TUBGCP5: variants seen among roughly 807,000 people sequenced by gnomAD.
TUBGCP5 encodes tubulin gamma complex component 5, also known as gamma-tubulin complex component 5.
In TUBGCP5, 98 loss-of-function variants were observed where a neutral mutation model predicts 134.7. The observed-to-expected ratio is 0.73, with a 90% CI of 0.62 to 0.86. TUBGCP5 has a LOEUF of 0.86. Among genes scored for constraint, TUBGCP5 ranks in the 40% least tolerant of loss-of-function variants. TUBGCP5 has a pLI of 0.00. For missense variants in TUBGCP5, 1,150 were observed against 1,244.8 expected (o/e 0.92, Z 1.15); for synonymous variants, 456 against 431.4 (o/e 1.06, Z -0.71).
At chr15:23,010,744 C>G (rs1056955594) in intron 14 of TUBGCP5, among the ~76,000 whole-genome samples, 1 of 151,938 alleles carries the variant, frequency 6.6e-6, no homozygotes, top group African/African-American at 2.4e-5. Flanking sequence ...TTTGGGAGGC[C>G]GAGGTGGGCA....
chr15:23,027,442 T>C (rs909612497), intron 6 of TUBGCP5, 136 bp from the exon 7 acceptor site: 7 of 647,180 alleles, frequency 1.1e-5, no homozygotes, highest in African/African-American at 1.8e-5. Flanking sequence ...CATTTATGTA[T>C]ATATGATTAT....
At chr15:22,994,423 G>A (rs1289285472), downstream of TUBGCP5, among the ~76,000 whole-genome samples, 1 of 152,156 alleles carries the variant, frequency 6.6e-6, no homozygotes, top group African/African-American at 2.4e-5. Flanking sequence ...AGGGCGATGT[G>A]CAGCACGGCC....
At chr15:23,022,216 A>C (rs1368107161) in intron 10 of TUBGCP5, 55 bp from the exon 11 acceptor site, 3 of 1,567,884 alleles carry the variant, frequency 1.9e-6, no homozygotes, top group Non-Finnish European at 2.6e-6. Context: ...TGCATCTAAA[A>C]TGTGACATAA....
chr15:23,022,481 G>A (rs1318061358), intron 10 of TUBGCP5, among the ~76,000 whole-genome samples: 3 of 152,184 alleles, frequency 2.0e-5, no homozygotes, highest in Non-Finnish European at 4.4e-5. Context: ...ATTACACTAG[G>A]TAAAACAAAA....
intron 16 of TUBGCP5, among the ~76,000 whole-genome samples, chr15:23,008,275 C>G (rs1391199636): frequency 6.6e-6 from 1 of 151,166 alleles, no homozygotes; most frequent in African/African-American, 2.4e-5. Context: ...TCAATTTTTT[C>G]TTTTTTTTTA....
Position 23,024,364 on chromosome 15 carries a change from G to T in TUBGCP5, c.922-171C>A, listed in dbSNP as rs996227163. On this transcript the variant is annotated intron_variant, in intron 9 of 22. Transcript: ENST00000615383. ...TATAATTTTATACACAAAGGAAAAA[G>T]TGAACAATAATTTCAACAGACTAGA... The T allele has an allele frequency of 1.5e-5, 10 of 679,120 alleles. No homozygotes were observed. In the African/African-American group the frequency reaches 1.8e-4, roughly 12 times the overall value. 42.1% of individuals were successfully genotyped at this position (679,120 alleles called of 1,614,324 possible).
At chr15:23,036,116 T>C (rs1244419120) in intron 3 of TUBGCP5, among the ~76,000 whole-genome samples, 1 of 152,176 alleles carries the variant, frequency 6.6e-6, no homozygotes, top group East Asian at 1.9e-4. Flanking sequence ...AACCCACAGC[T>C]GTTTCCATAC....
At chr15:23,009,631 T>C in intron 15 of TUBGCP5, among the ~76,000 whole-genome samples, 1 of 147,914 alleles carries the variant, frequency 6.8e-6, no homozygotes, top group South Asian at 2.1e-4. Flanking sequence ...GCCATATTTA[T>C]GGATATGCAT....
At chr15:23,024,390 G>T in intron 9 of TUBGCP5, 197 bp from the exon 10 acceptor site, 1 of 564,776 alleles carries the variant, frequency 1.8e-6, no homozygotes, top group Non-Finnish European at 2.8e-6. Flanking sequence ...ACAGACTAGA[G>T]AATTATGGCT....
intron 13 of TUBGCP5, among the ~76,000 whole-genome samples, chr15:23,012,192 T>A (rs2065076171): frequency 6.6e-6 from 1 of 151,200 alleles, no homozygotes; most frequent in South Asian, 2.1e-4. Flanking sequence ...AACACTATGG[T>A]AACCCTGATA....
chr15:23,037,206 A>C, intron 1 of TUBGCP5, 54 bp from the exon 2 acceptor site: 3 of 1,551,846 alleles, frequency 1.9e-6, no homozygotes, highest in Non-Finnish European at 2.7e-6. Flanking sequence ...AGGTAAGTGA[A>C]CTCATCTCAT....
rs139022772 is a variant in TUBGCP5, at chr15:23,008,823, T to C, written c.2203A>G (p.Met735Val). 2 of 1,597,664 alleles carry C rather than the reference T, an allele frequency of 1.3e-6. No homozygotes were observed. Among genetic ancestry groups the C allele is most frequent in the African/African-American group, 2.7e-5 (2 of 73,588 alleles). Reference protein sequence around the residue: ...NFFLMEGGDTMYDFYTSIFDK... With the variant: ...NFFLMEGGDTVYDFYTSIFDK... ...AAAATTGACGTGTAGAAGTCATACATGGTATCTCCTCCTTCCATTAAGAAA... is the reference window on the plus strand; with the variant it reads ...AAAATTGACGTGTAGAAGTCATACACGGTATCTCCTCCTTCCATTAAGAAA... The change falls in exon 16 of 23, where the codon ATG becomes GTG. Residue 735 changes from methionine (M) to valine (V), a missense_variant. Met to Val is a conservative substitution (Grantham distance 21). Around this residue, in one of 2 missense-constraint regions of TUBGCP5, gnomAD observed 697 missense variants for 850.1 expected, o/e 0.82. Transcript: ENST00000615383.
intron 6 of TUBGCP5, among the ~76,000 whole-genome samples, chr15:23,029,233 T>A (rs1450136491): frequency 6.6e-6 from 1 of 152,202 alleles, no homozygotes; most frequent in African/African-American, 2.4e-5. Flanking sequence ...TTTATTTATT[T>A]TTTTTGAGAT....
intron 11 of TUBGCP5, among the ~76,000 whole-genome samples, chr15:23,021,104 G>C (rs1162393712): frequency 6.6e-6 from 1 of 152,102 alleles, no homozygotes; most frequent in African/African-American, 2.4e-5. Flanking sequence ...GGCCAGGCTG[G>C]TCTCGAATTC....
chr15:23,039,333 G>A, intron 1 of TUBGCP5, 65 bp downstream of exon 1: 1 of 1,296,886 alleles, frequency 7.7e-7, no homozygotes, highest in South Asian at 2.3e-5. Context: ...ACCCCGGGCT[G>A]TGCGGGACCC....
At chr15:23,014,908 C>T (rs1012846605) in intron 13 of TUBGCP5, among the ~76,000 whole-genome samples, 3 of 152,162 alleles carry the variant, frequency 2.0e-5, no homozygotes, top group African/African-American at 7.2e-5. Context: ...CCATTGCTGG[C>T]AGGCAAATAA....
chr15:22,984,040 A>T (rs1211853195), intron 23 of TUBGCP5, among the ~76,000 whole-genome samples: 1 of 152,134 alleles, frequency 6.6e-6, no homozygotes, highest in African/African-American at 2.4e-5. Context: ...GAATCACTTG[A>T]ACCCGAGAGT....
At position 22,999,435 on chromosome 15, in the gene TUBGCP5, C is replaced by G. The variant is rs901490759; in HGVS notation, c.*385G>C. 8.3e-6 allele frequency: 2 copies of G among 242,200 alleles called. No individual in the cohort carries two copies. Among genetic ancestry groups the G allele is most frequent in the African/African-American group, 2.2e-5 (1 of 45,368 alleles). 15.0% of individuals were successfully genotyped at this position (242,200 alleles called of 1,614,324 possible). A position where few individuals can be genotyped will look rare whatever the true frequency, so the allele number is the denominator to read the frequency against. ...GTTCTTTCTGAGTCAGGGTCTCACT[C>G]TGTCACCCAGGTTGCACTGCAGTAG... On this transcript the variant is annotated 3_prime_UTR_variant, in exon 23 of 23. Transcript: ENST00000615383.
chr15:23,017,739 C>T, intron 13 of TUBGCP5, 34 bp downstream of exon 13: 2 of 1,595,718 alleles, frequency 1.3e-6, no homozygotes, highest in South Asian at 1.1e-5. Flanking sequence ...GGTGTCCCAA[C>T]ACCAAGAGAG....
Sources: allele counts gnomAD v4.1 joint callset (sites outside exome capture counted in the v4.1 genomes callset), GRCh38; gene constraint gnomAD v4.1.1; regional missense constraint gnomAD v4.1.1; transcripts MANE v1.5; gene names NCBI Gene and HGNC (gene_info 2026-07-23, HGNC 2026-07-21).